MYO7A: variants seen among roughly 807,000 people sequenced by gnomAD.
MYO7A encodes the protein myosin VIIA.
A neutral mutation model predicts 263.8 loss-of-function variants in MYO7A; 210 were observed. That is an observed-to-expected ratio of 0.80 (90% CI 0.71 to 0.89). The LOEUF is 0.89. Ranked by LOEUF, MYO7A falls within the 40% of genes least tolerant of loss-of-function variation. The pLI, the probability that MYO7A is intolerant of heterozygous loss-of-function variation, is 0.00. For synonymous variants in MYO7A, 1,239 were observed against 1,197.3 expected (o/e 1.03, Z -0.72); for missense variants, 2,820 against 2,968.3 (o/e 0.95, Z 1.16).
At chr11:77,189,990 G>C in intron 28 of MYO7A, 30 bp from the exon 29 acceptor site, 1 of 1,496,948 alleles carries the variant, frequency 6.7e-7, no homozygotes, top group Non-Finnish European at 8.9e-7. Flanking sequence ...GGAGCCCCAG[G>C]GGCCGCCTCA....
At chr11:77,174,404 G>A (rs782687811) in intron 16 of MYO7A, among the ~76,000 whole-genome samples, 1 of 152,090 alleles carries the variant, frequency 6.6e-6, no homozygotes, top group Non-Finnish European at 1.5e-5. Context: ...GCGCTTTCAG[G>A]CTTCCAAACC....
At chr11:77,172,659 A>G (rs1591337543) in intron 15 of MYO7A, 89 bp from the exon 16 acceptor site, 3 of 1,507,422 alleles carry the variant, frequency 2.0e-6, no homozygotes, top group African/African-American at 1.4e-5. Flanking sequence ...GACCCCGCTG[A>G]CCTCCCCTCC....
intron 2 of MYO7A, among the ~76,000 whole-genome samples, chr11:77,132,649 C>T (rs1333917680): frequency 6.6e-6 from 1 of 152,122 alleles, no homozygotes; most frequent in Non-Finnish European, 1.5e-5. Flanking sequence ...TCACCACGTC[C>T]AACTAATTTT....
intron 10 of MYO7A, 44 bp downstream of exon 10, chr11:77,159,567 G>C (rs782786566): frequency 1.9e-6 from 3 of 1,587,072 alleles, no homozygotes; most frequent in Non-Finnish European, 2.6e-6. Context: ...CTGTCCCTCT[G>C]AAGGGTTGAG....
At chr11:77,185,885 A>G (rs892879572) in intron 27 of MYO7A, among the ~76,000 whole-genome samples, 1 of 152,024 alleles carries the variant, frequency 6.6e-6, no homozygotes, top group African/African-American at 2.4e-5. Flanking sequence ...ATGTTGCATT[A>G]GCAGGCATGA....
intron 3 of MYO7A, among the ~76,000 whole-genome samples, chr11:77,143,362 G>T (rs781912736): frequency 6.6e-6 from 1 of 152,238 alleles, no homozygotes; most frequent in South Asian, 2.1e-4. Context: ...ACTGTGTTGG[G>T]TTACTGACAT....
chr11:77,212,660 G>A, intron 46 of MYO7A: 1 of 498,472 alleles, frequency 2.0e-6, no homozygotes, highest in Admixed American at 3.3e-5. Flanking sequence ...GAGGAGAACA[G>A]GTAGGTAGCT....
chr11:77,188,718 C>A (rs1955815047), intron 27 of MYO7A, among the ~76,000 whole-genome samples: 1 of 152,224 alleles, frequency 6.6e-6, no homozygotes, highest in African/African-American at 2.4e-5. Flanking sequence ...ATCTTCACAG[C>A]AATCTTGTAA....
chr11:77,132,056 C>T (rs1435107881), intron 2 of MYO7A, among the ~76,000 whole-genome samples: 3 of 152,174 alleles, frequency 2.0e-5, no homozygotes, highest in African/African-American at 2.4e-5. Flanking sequence ...CATGAAAATG[C>T]TTCTTCCTTC....
intron 17 of MYO7A, 77 bp downstream of exon 17, chr11:77,174,991 A>T (rs1954503511): frequency 1.2e-5 from 19 of 1,564,310 alleles, no homozygotes; most frequent in Non-Finnish European, 1.7e-5. Context: ...TTTTCTTATC[A>T]GGACCATGGG....
chr11:77,159,056 C>T (rs1555066497), intron 9 of MYO7A, among the ~76,000 whole-genome samples: 1 of 152,200 alleles, frequency 6.6e-6, no homozygotes, highest in African/African-American at 2.4e-5. Flanking sequence ...GGTAAGCTGA[C>T]AGCAGGAAGA....
chr11:77,166,473 G>C (rs994637543), intron 15 of MYO7A, among the ~76,000 whole-genome samples: 1 of 152,218 alleles, frequency 6.6e-6, no homozygotes, highest in African/African-American at 2.4e-5. Flanking sequence ...CTGCTAAAGA[G>C]AGCATGGGCA....
intron 4 of MYO7A, among the ~76,000 whole-genome samples, chr11:77,154,104 ACT>A (rs1952220072): frequency 6.6e-6 from 1 of 152,226 alleles, no homozygotes. Flanking sequence ...ACAGAGCGAG[ACT>A]CTGCCTCAAA....
intron 29 of MYO7A, 140 bp downstream of exon 29, chr11:77,190,279 C>A: frequency 1.1e-6 from 1 of 928,414 alleles, no homozygotes. Flanking sequence ...CACCTACCCT[C>A]AAGTTCTGGA....
At chr11:77,161,151 C>T (rs559337655) in intron 12 of MYO7A, 36 bp downstream of exon 12, 150 of 1,610,372 alleles carry the variant, frequency 9.3e-5, no homozygotes, top group Non-Finnish European at 1.2e-4. Context: ...GAATTTCCTT[C>T]CCCAATATGG....
Position 77,214,741 on chromosome 11 carries a change from C to T in MYO7A, c.*45C>T. ...GGTTCCATGCCTGCTCTCGAGGCAG[C>T]AGTGGGTTCAGGCCCATCAGCTACC... On this transcript the variant is annotated 3_prime_UTR_variant, in exon 49 of 49. Transcript: ENST00000409709. 1.4e-6 allele frequency: 2 copies of T among 1,439,294 alleles called. No homozygotes were observed. Among genetic ancestry groups the T allele is most frequent in the Non-Finnish European group, 1.9e-6 (2 of 1,045,990 alleles). The allele number at this position is 1,439,294 out of a possible 1,614,324, so 89.2% of individuals were successfully genotyped here. A position where few individuals can be genotyped will look rare whatever the true frequency, so the allele number is the denominator to read the frequency against.
At chr11:77,184,190 G>A (rs942224749) in intron 26 of MYO7A, among the ~76,000 whole-genome samples, 1 of 152,142 alleles carries the variant, frequency 6.6e-6, no homozygotes, top group Non-Finnish European at 1.5e-5. Flanking sequence ...CTGGTGGTTG[G>A]AACCTGGAGT....
Position 77,157,648 on chromosome 11 carries a change from G to A in MYO7A, c.849+256G>A, listed in dbSNP as rs145436789. 1.1e-3 allele frequency among the ~76,000 whole-genome samples: 166 copies of A among 152,242 alleles called. 1 individual carries two copies. Among genetic ancestry groups the A allele is most frequent in the African/African-American group, 3.7e-3 (152 of 41,550 alleles). On this transcript the variant is annotated intron_variant, in intron 8 of 48. Transcript: ENST00000409709. ...TCCTTTAGCCATGGGGAGAGCCCAT[G>A]TCTGGTTGCCTGGGCTGGGCTGGGG...
chr11:77,211,373 C>G, intron 45 of MYO7A, 36 bp downstream of exon 45: 31 of 1,547,478 alleles, frequency 2.0e-5, no homozygotes, highest in Non-Finnish European at 2.7e-5. Context: ...TGGTGGGGCC[C>G]TGAATGGGCC....
Sources: gnomAD v4.1 joint callset for allele counts (sites outside exome capture counted in the v4.1 genomes callset) on GRCh38, gnomAD v4.1.1 for gene constraint, MANE v1.5 for transcripts, NCBI Gene and HGNC (gene_info 2026-07-23, HGNC 2026-07-21) for gene names.